The following ZSCAN25 variants were observed in gnomAD, a reference collection of about 807,000 sequenced individuals.
ZSCAN25 encodes zinc finger and SCAN domain containing 25.
Under a neutral mutation model 38.7 loss-of-function variants are expected in ZSCAN25, and 27 were observed. The ratio of observed to expected loss-of-function variants is 0.70; its 90% CI spans 0.51 to 0.96. The LOEUF is 0.96. Ranked by LOEUF, ZSCAN25 falls within the 40% of genes least tolerant of loss-of-function variation. The pLI is 0.00. For missense variants in ZSCAN25, 637 were observed against 705.9 expected, an observed-to-expected ratio of 0.90 and a Z score of 1.11; for synonymous variants, 273 against 277.7, an observed-to-expected ratio of 0.98 and a Z score of 0.17.
chr7:99,641,831 C>G, the ZSCAN25 span, among the ~76,000 whole-genome samples: 1 of 152,304 alleles, frequency 6.6e-6, no homozygotes, highest in Admixed American at 6.5e-5. Context: ...GTCCAATCCA[C>G]CATCTTCTCC....
chr7:99,624,284 A>G, intron 7 of ZSCAN25, 104 bp downstream of exon 7: 1 of 1,505,358 alleles, frequency 6.6e-7, no homozygotes, highest in Non-Finnish European at 9.1e-7. Context: ...AGGGGACTTC[A>G]TGGCAGGCGG....
chr7:99,702,091 CTTTT>C, the ZSCAN25 span, among the ~76,000 whole-genome samples: 1 of 140,180 alleles, frequency 7.1e-6, no homozygotes, highest in Non-Finnish European at 1.5e-5. Context: ...AGATTTCAGT[CTTTT>C]TTTTTTTTTT....
At chr7:99,688,629 C>A in the ZSCAN25 span, among the ~76,000 whole-genome samples, 2 of 151,734 alleles carry the variant, frequency 1.3e-5, no homozygotes, top group African/African-American at 2.4e-5. Flanking sequence ...CAAAAGTTAA[C>A]AAGGATACCC....
chr7:99,705,508 C>T, the ZSCAN25 span: 3 of 1,613,538 alleles, frequency 1.9e-6, no homozygotes, highest in South Asian at 3.3e-5. Context: ...AATCAGGCTC[C>T]ACTTACGGTC....
chr7:99,676,627 T>G, the ZSCAN25 span: 1 of 1,137,088 alleles, frequency 8.8e-7, no homozygotes, highest in Non-Finnish European at 1.2e-6. Flanking sequence ...ATGATGAGAT[T>G]TTGCATCACT....
At chr7:99,696,427 G>A in the ZSCAN25 span, among the ~76,000 whole-genome samples, 1 of 152,050 alleles carries the variant, frequency 6.6e-6, no homozygotes, top group African/African-American at 2.4e-5. Context: ...CATTCATAGA[G>A]GGGTGTCAGA....
chr7:99,685,218 G>A, the ZSCAN25 span: 1 of 1,613,638 alleles, frequency 6.2e-7, no homozygotes, highest in Non-Finnish European at 8.5e-7. Context: ...GTCCTCCTAA[G>A]CGTAATTTCA....
the ZSCAN25 span, chr7:99,705,333 A>G: frequency 4.0e-6 from 3 of 755,956 alleles, no homozygotes; most frequent in South Asian, 3.3e-5. Context: ...AACACTCTAT[A>G]CAGACCATGA....
the ZSCAN25 span, among the ~76,000 whole-genome samples, chr7:99,694,841 C>T: frequency 6.6e-6 from 1 of 152,166 alleles, no homozygotes; most frequent in Non-Finnish European, 1.5e-5. Context: ...GACAGAGCAT[C>T]AGACCAGGTT....
the ZSCAN25 span, chr7:99,713,477 G>T: frequency 4.6e-5 from 74 of 1,613,292 alleles, no homozygotes; most frequent in Non-Finnish European, 5.7e-5. Flanking sequence ...ACCTTTGTGG[G>T]TCTCAGAGTC....
At chr7:99,661,577 C>T in the ZSCAN25 span, among the ~76,000 whole-genome samples, 1 of 152,320 alleles carries the variant, frequency 6.6e-6, no homozygotes. Context: ...CATCACTAGT[C>T]TGTTTGGTCA....
the ZSCAN25 span, among the ~76,000 whole-genome samples, chr7:99,643,958 T>C: frequency 6.6e-6 from 1 of 151,886 alleles, no homozygotes. Flanking sequence ...CTTCATAAAA[T>C]AGGGGCCAGT....
the ZSCAN25 span, among the ~76,000 whole-genome samples, chr7:99,704,716 C>G: frequency 6.6e-6 from 1 of 152,094 alleles, no homozygotes; most frequent in African/African-American, 2.4e-5. Flanking sequence ...GTAATCCCAG[C>G]ACTTTGGGAG....
chr7:99,636,527 A>G (rs1023638473), downstream of ZSCAN25, among the ~76,000 whole-genome samples: 4 of 152,180 alleles, frequency 2.6e-5, no homozygotes, highest in African/African-American at 9.7e-5. Context: ...AAGGACCAAT[A>G]CTGTCCAACT....
the ZSCAN25 span, chr7:99,700,060 C>T: frequency 2.3e-4 from 353 of 1,519,480 alleles, no homozygotes; most frequent in Non-Finnish European, 3.0e-4. Context: ...TCAACTGTCT[C>T]CTCTGAGTCT....
the ZSCAN25 span, among the ~76,000 whole-genome samples, chr7:99,688,821 C>T: frequency 6.1e-3 from 931 of 152,348 alleles, 1 homozygote; most frequent in Non-Finnish European, 8.7e-3. Context: ...AACTGTCTCT[C>T]AGACCACAGT....
In ZSCAN25 at chr7:99,629,351, T is replaced by C; in HGVS notation, c.966T>C (p.Pro322=). The C allele has an allele frequency of 6.2e-7, 1 of 1,614,160 alleles. No individual in the cohort carries two copies. Among genetic ancestry groups the C allele is most frequent in the South Asian group, 1.1e-5 (1 of 91,086 alleles). ...QEPGGPAGSA[P]GLPPPQHGAI... Reference sequence around the variant, plus strand: ...CTGGTGGCCCTGCAGGCAGTGCGCCTGGGCTTCCTCCTCCCCAGCACGGTG... The same window carrying C: ...CTGGTGGCCCTGCAGGCAGTGCGCCCGGGCTTCCTCCTCCCCAGCACGGTG... Residue 322 remains proline (P), a synonymous_variant, in exon 8 of 8, where the codon CCT becomes CCC. Coordinates refer to ENST00000394152, the MANE Select transcript of ZSCAN25 (RefSeq NM_145115.3). This position sits in a 1 kb window ranked among gnomAD's most constrained non-coding sequence, Gnocchi z 5.6.
rs768875902 is a variant in ZSCAN25 at position 99,622,674 on chromosome 7, C to T, written c.681+34C>T. The T allele has an allele frequency of 1.8e-5, 29 of 1,595,530 alleles. No individual in the cohort carries two copies. In the East Asian group the frequency reaches 2.9e-4, roughly 16 times the overall value. ...TGACTCCCTTTGCAGAAATCATGAC[C>T]GTTGCTTTGATTGAGGTTCACCTTC... is the stretch of plus-strand genomic sequence containing the variant. On this transcript the variant is annotated intron_variant, in intron 6 of 7. Transcript: ENST00000394152.
chr7:99,678,655 C>CT, the ZSCAN25 span, among the ~76,000 whole-genome samples: 1 of 152,194 alleles, frequency 6.6e-6, no homozygotes, highest in Admixed American at 6.5e-5. Flanking sequence ...TGGAAATAGT[C>CT]TATCTCCAAA....
Sources: gnomAD v4.1 joint callset for allele counts (sites outside exome capture counted in the v4.1 genomes callset) on GRCh38, gnomAD v4.1.1 for gene constraint, Gnocchi (gnomAD v3.1) non-coding constraint, MANE v1.5 for transcripts, NCBI Gene and HGNC (gene_info 2026-07-23, HGNC 2026-07-21) for gene names.